KCNAB1: variants seen among roughly 807,000 people sequenced by gnomAD.
KCNAB1 encodes the protein potassium voltage-gated channel subfamily A regulatory beta subunit 1.
KCNAB1 carries 35 observed loss-of-function variants against 64.6 expected under a neutral mutation model. The observed-to-expected ratio is 0.54, with a 90% CI of 0.41 to 0.72. The LOEUF is 0.72. Ranked by LOEUF, KCNAB1 falls within the 30% of genes least tolerant of loss-of-function variation. The pLI, the probability that KCNAB1 is intolerant of heterozygous loss-of-function variation, is 0.00. For missense variants in KCNAB1, 401 were observed against 512.9 expected, an observed-to-expected ratio of 0.78 and a Z score of 2.11; for synonymous variants, 177 against 183.8, an observed-to-expected ratio of 0.96 and a Z score of 0.30.
At position 156,378,220 on chromosome 3, in the gene KCNAB1, C is replaced by T. The variant is rs77827103; in HGVS notation, c.276-43396C>T. The stretch of plus-strand genomic sequence containing the variant: ...TGCTCCAGAGTCCAGAGCTTAGGAG[C>T]GGAGATCACTCCTAAGTGTTTGGGT... On this transcript the variant is annotated intron_variant, in intron 1 of 13. Coordinates refer to ENST00000490337, the MANE Select transcript of KCNAB1 (RefSeq NM_172160.3). 8.5e-3 allele frequency among the ~76,000 whole-genome samples: 1,295 copies of T among 152,070 alleles called. 20 individuals are homozygous for T. Among genetic ancestry groups the T allele is most frequent in the African/African-American group, 0.03 (1,236 of 41,464 alleles).
chr3:156,394,717 T>C (rs898505242), intron 1 of KCNAB1, among the ~76,000 whole-genome samples: 1 of 152,264 alleles, frequency 6.6e-6, no homozygotes, highest in African/African-American at 2.4e-5. Flanking sequence ...GCACAGTTGC[T>C]GCATTTATCC....
At chr3:156,245,734 T>A (rs1446459655) in intron 1 of KCNAB1, among the ~76,000 whole-genome samples, 1 of 152,214 alleles carries the variant, frequency 6.6e-6, no homozygotes, top group Non-Finnish European at 1.5e-5. Context: ...GTAAATTTTA[T>A]CTTCTTTACA....
At chr3:156,135,773 A>G (rs1321504698) in intron 1 of KCNAB1, among the ~76,000 whole-genome samples, 1 of 152,312 alleles carries the variant, frequency 6.6e-6, no homozygotes, top group East Asian at 1.9e-4. Flanking sequence ...CAAGTTCCAG[A>G]CCCCATAGAA....
At chr3:156,187,111 C>A (rs533892333) in intron 1 of KCNAB1, among the ~76,000 whole-genome samples, 1 of 152,312 alleles carries the variant, frequency 6.6e-6, no homozygotes, top group African/African-American at 2.4e-5. Flanking sequence ...GCCTTGGCTT[C>A]CCAAAGTGTT....
At chr3:156,388,891 G>A (rs566875356) in intron 1 of KCNAB1, among the ~76,000 whole-genome samples, 16 of 152,264 alleles carry the variant, frequency 1.1e-4, no homozygotes, top group Admixed American at 6.5e-4. Context: ...GTCCTTTCAC[G>A]TCAGGGGCAT....
intron 5 of KCNAB1, among the ~76,000 whole-genome samples, chr3:156,462,646 T>G (rs1186414562): frequency 4.0e-4 from 61 of 152,218 alleles, no homozygotes; most frequent in Admixed American, 4.0e-3. Context: ...GTCACCATCA[T>G]TCCCCATTGG....
At chr3:156,515,333 C>T (rs1717484617) in intron 10 of KCNAB1, 113 bp downstream of exon 10, 1 of 947,900 alleles carries the variant, frequency 1.1e-6, no homozygotes, top group Non-Finnish European at 1.5e-6. Flanking sequence ...CCCTAATTAA[C>T]ATAGACATTG....
intron 3 of KCNAB1, chr3:156,457,200 A>T (rs958576151): frequency 1.6e-5 from 20 of 1,274,154 alleles, no homozygotes; most frequent in Non-Finnish European, 1.8e-5. Context: ...GAGAAACACA[A>T]ATCTATCCAC....
intron 1 of KCNAB1, among the ~76,000 whole-genome samples, chr3:156,151,909 A>T (rs755325754): frequency 1.3e-5 from 2 of 152,190 alleles, no homozygotes; most frequent in Non-Finnish European, 2.9e-5. Context: ...GGTCTCCTTC[A>T]ATCTGGAACA....
intron 1 of KCNAB1, among the ~76,000 whole-genome samples, chr3:156,188,805 C>T (rs1475002005): frequency 1.3e-5 from 2 of 152,248 alleles, no homozygotes; most frequent in Non-Finnish European, 2.9e-5. Flanking sequence ...ACCCTGAGGC[C>T]TTGGAAGAAA....
intron 1 of KCNAB1, among the ~76,000 whole-genome samples, chr3:156,191,338 C>T (rs1383294636): frequency 3.3e-5 from 5 of 152,236 alleles, no homozygotes; most frequent in African/African-American, 1.2e-4. Flanking sequence ...ACTAACCTCC[C>T]ATCCCAGGGC....
intron 1 of KCNAB1, among the ~76,000 whole-genome samples, chr3:156,379,024 T>G (rs2108143007): frequency 6.6e-6 from 1 of 152,322 alleles, no homozygotes; most frequent in South Asian, 2.1e-4. Context: ...AGGATCATGC[T>G]TTCTGTGGGA....
intron 7 of KCNAB1, among the ~76,000 whole-genome samples, chr3:156,470,547 G>A (rs185743913): frequency 9.0e-4 from 137 of 152,300 alleles, no homozygotes; most frequent in African/African-American, 2.8e-3. Flanking sequence ...AGTGCCTAAT[G>A]TGAAGGAAAA....
At chr3:156,422,964 A>G (rs758442795) in intron 2 of KCNAB1, among the ~76,000 whole-genome samples, 5 of 152,228 alleles carry the variant, frequency 3.3e-5, no homozygotes, top group Non-Finnish European at 7.3e-5. Context: ...AATCCCGTCA[A>G]GTGGTGCTCA....
At chr3:156,285,821 C>T (rs1342230187) in intron 1 of KCNAB1, among the ~76,000 whole-genome samples, 2 of 152,210 alleles carry the variant, frequency 1.3e-5, no homozygotes, top group African/African-American at 4.8e-5. Flanking sequence ...TCCTATTTTT[C>T]ACACTTGCTT....
chr3:156,138,596 C>T (rs1007523493), intron 1 of KCNAB1, among the ~76,000 whole-genome samples: 5 of 152,216 alleles, frequency 3.3e-5, no homozygotes, highest in South Asian at 4.1e-4. Flanking sequence ...ATAAATCTCA[C>T]GAGCCTGGTA....
At chr3:156,281,547 T>A (rs1189912904) in intron 1 of KCNAB1, among the ~76,000 whole-genome samples, 1 of 152,206 alleles carries the variant, frequency 6.6e-6, no homozygotes, top group Non-Finnish European at 1.5e-5. Flanking sequence ...ATGGTACCAA[T>A]TCCTCCTTGT....
intron 11 of KCNAB1, among the ~76,000 whole-genome samples, chr3:156,518,940 T>A (rs2108399471): frequency 6.6e-6 from 1 of 152,364 alleles, no homozygotes; most frequent in South Asian, 2.1e-4. Flanking sequence ...TCCTTCTTGC[T>A]TAACAGTGCC....
chr3:156,145,249 G>C (rs1229509535), intron 1 of KCNAB1, among the ~76,000 whole-genome samples: 1 of 152,164 alleles, frequency 6.6e-6, no homozygotes, highest in African/African-American at 2.4e-5. Flanking sequence ...CAGTTTAATT[G>C]ATCATTAACC....
Sources: allele counts gnomAD v4.1 joint callset (sites outside exome capture counted in the v4.1 genomes callset), GRCh38; gene constraint gnomAD v4.1.1; transcripts MANE v1.5; gene names NCBI Gene and HGNC (gene_info 2026-07-23, HGNC 2026-07-21).